CRTC3: variants seen among roughly 807,000 people sequenced by gnomAD.
CRTC3 encodes CREB-regulated transcription coactivator 3.
A neutral mutation model predicts 74.5 loss-of-function variants in CRTC3; 26 were observed. The observed-to-expected ratio is 0.35, with a 90% CI of 0.26 to 0.48. The LOEUF is 0.48. Ranked by LOEUF, CRTC3 falls within the 20% of genes least tolerant of loss-of-function variation. CRTC3 has a pLI of 0.99. For synonymous variants in CRTC3, 377 were observed against 325.8 expected, an observed-to-expected ratio of 1.16 and a Z score of -1.69; for missense variants, 760 against 787.3, an observed-to-expected ratio of 0.97 and a Z score of 0.41.
chr15:90,562,575 A>G (rs1967035731), intron 2 of CRTC3, among the ~76,000 whole-genome samples: 2 of 152,256 alleles, frequency 1.3e-5, no homozygotes, highest in South Asian at 2.1e-4. Flanking sequence ...TCGTATGCCC[A>G]GTTTAGTACC....
chr15:90,540,047 T>G lies in CRTC3; in HGVS notation c.141T>G (p.Phe47Leu). 1 of 1,613,026 alleles carries G rather than the reference T, an allele frequency of 6.2e-7. No homozygotes were observed. The highest frequency in any genetic ancestry group is 8.5e-7 in the Non-Finnish European group (1 of 1,179,334). Residue 47 changes from phenylalanine (F) to leucine (L), a missense_variant, in exon 2 of 15, where the codon TTT becomes TTG. By Grantham distance (22) the Phe-to-Leu change is conservative. This residue lies in a region of CRTC3 where 108 missense variants were observed against 152.1 expected (regional missense o/e 0.71). Coordinates refer to ENST00000268184, the MANE Select transcript of CRTC3 (RefSeq NM_022769.5). ...AATCACTTTGTTTCCAGGTTCAATT[T>G]CAGAAGCTTCAGCAACTGCGCCTTA... ...MTDLTLSRVQ[F>L]QKLQQLRLTQ...
At chr15:90,639,122 C>G (rs1396697975) in intron 13 of CRTC3, among the ~76,000 whole-genome samples, 1 of 152,130 alleles carries the variant, frequency 6.6e-6, no homozygotes, top group Non-Finnish European at 1.5e-5. Context: ...CTCCTCAGCG[C>G]CCTCATGTTG....
intron 2 of CRTC3, among the ~76,000 whole-genome samples, chr15:90,555,634 C>G (rs967822054): frequency 6.6e-6 from 1 of 152,174 alleles, no homozygotes; most frequent in African/African-American, 2.4e-5. Flanking sequence ...TCTCCTGCTT[C>G]AGCATCCTGA....
intron 1 of CRTC3, among the ~76,000 whole-genome samples, chr15:90,532,284 A>G (rs1179606269): frequency 6.6e-6 from 1 of 152,226 alleles, no homozygotes; most frequent in Non-Finnish European, 1.5e-5. Context: ...ATTTTCATGA[A>G]GAAATCACAA....
intron 11 of CRTC3, among the ~76,000 whole-genome samples, chr15:90,631,403 C>T (rs954664995): frequency 6.6e-6 from 1 of 152,100 alleles, no homozygotes; most frequent in Non-Finnish European, 1.5e-5. Context: ...TGTCACCACA[C>T]CCAGCTAATT....
At chr15:90,546,360 G>A (rs943190219) in intron 2 of CRTC3, among the ~76,000 whole-genome samples, 2 of 152,036 alleles carry the variant, frequency 1.3e-5, no homozygotes, top group African/African-American at 4.8e-5. Context: ...ATACATGTGG[G>A]TCTATTTCCG....
intron 2 of CRTC3, among the ~76,000 whole-genome samples, chr15:90,545,181 T>G (rs766128366): frequency 1.3e-5 from 2 of 152,122 alleles, no homozygotes; most frequent in Non-Finnish European, 2.9e-5. Flanking sequence ...ATGATTTCCT[T>G]CCTTTTCAAG....
chr15:90,543,948 G>A (rs750000133), intron 2 of CRTC3, among the ~76,000 whole-genome samples: 16 of 152,070 alleles, frequency 1.1e-4, no homozygotes, highest in South Asian at 2.1e-4. Context: ...TCAAATGTCC[G>A]TAGTCTTTTG....
intron 2 of CRTC3, among the ~76,000 whole-genome samples, chr15:90,565,238 G>A (rs1004938820): frequency 3.3e-5 from 5 of 152,208 alleles, no homozygotes; most frequent in African/African-American, 4.8e-5. Flanking sequence ...GTGAGCCACC[G>A]TGCCTGGCCA....
chr15:90,537,630 C>T (rs1270798668), intron 1 of CRTC3, among the ~76,000 whole-genome samples: 1 of 152,100 alleles, frequency 6.6e-6, no homozygotes, highest in South Asian at 2.1e-4. Flanking sequence ...GTGATCCGCC[C>T]GCCTCGGCCT....
At chr15:90,552,547 G>A (rs557367086) in intron 2 of CRTC3, among the ~76,000 whole-genome samples, 3 of 81,118 alleles carry the variant, frequency 3.7e-5, no homozygotes, top group Admixed American at 2.4e-4. Flanking sequence ...GCTTCCTTTC[G>A]TACTCCCTAG....
chr15:90,575,010 A>G (rs1000642907), intron 2 of CRTC3, among the ~76,000 whole-genome samples: 2 of 150,740 alleles, frequency 1.3e-5, no homozygotes, highest in African/African-American at 2.5e-5. Context: ...CTTTCTTTAT[A>G]CTGAAATTTT....
chr15:90,575,051 T>C (rs1234677000), intron 2 of CRTC3, among the ~76,000 whole-genome samples: 2 of 152,196 alleles, frequency 1.3e-5, no homozygotes, highest in East Asian at 3.8e-4. Flanking sequence ...TTTTTTCATG[T>C]ATCAAAAGTT....
chr15:90,626,090 C>A, intron 10 of CRTC3, 97 bp downstream of exon 10: 1 of 898,954 alleles, frequency 1.1e-6, no homozygotes, highest in Non-Finnish European at 1.9e-6. Context: ...AGAATGACTG[C>A]ATCCCAGTTA....
intron 1 of CRTC3, among the ~76,000 whole-genome samples, chr15:90,538,270 T>C (rs1346720491): frequency 6.6e-6 from 1 of 152,200 alleles, no homozygotes; most frequent in African/African-American, 2.4e-5. Flanking sequence ...TAAGTACTTT[T>C]AGAATGTTAA....
intron 13 of CRTC3, among the ~76,000 whole-genome samples, chr15:90,639,347 TAATA>T (rs1969356288): frequency 6.6e-6 from 1 of 152,144 alleles, no homozygotes; most frequent in African/African-American, 2.4e-5. Flanking sequence ...TGACTATTTT[TAATA>T]TTCTAGATTT....
chr15:90,538,113 C>T (rs996316638), intron 1 of CRTC3, among the ~76,000 whole-genome samples: 1 of 152,176 alleles, frequency 6.6e-6, no homozygotes, highest in African/African-American at 2.4e-5. Flanking sequence ...TAAGCCAGTG[C>T]CTGGCATACT....
In CRTC3 at chr15:90,642,352, G is replaced by C. The variant is rs1969480719; in HGVS notation, c.*212G>C. ...ACTGCCTCTCCCGCCTGTGGCCAAA[G>C]TCGTGTTGCAGCAGGCAGGCTGCTT... is the stretch of plus-strand genomic sequence containing the variant. On this transcript the variant is annotated 3_prime_UTR_variant, in exon 15 of 15. Transcript: ENST00000268184. 1 of 573,654 alleles carries C rather than the reference G, an allele frequency of 1.7e-6. No homozygotes were observed. The highest frequency in any genetic ancestry group is 3.1e-6 in the Non-Finnish European group (1 of 320,992). 35.5% of individuals were successfully genotyped at this position (573,654 alleles called of 1,614,324 possible).
chr15:90,628,164 C>T (rs1968907397), intron 10 of CRTC3, among the ~76,000 whole-genome samples: 1 of 151,534 alleles, frequency 6.6e-6, no homozygotes, highest in Non-Finnish European at 1.5e-5. Flanking sequence ...TTGCAGTGAG[C>T]TGAGATCATG....
Sources: gnomAD v4.1 joint callset for allele counts (sites outside exome capture counted in the v4.1 genomes callset) on GRCh38, gnomAD v4.1.1 for gene constraint, gnomAD v4.1.1 regional missense constraint, MANE v1.5 for transcripts, NCBI Gene and HGNC (gene_info 2026-07-23, HGNC 2026-07-21) for gene names.